The following NOSTRIN variants were observed in gnomAD, a reference collection of about 807,000 sequenced individuals.
NOSTRIN encodes nitric oxide synthase trafficking.
NOSTRIN carries 63 observed loss-of-function variants against 59.0 expected under a neutral mutation model. The ratio of observed to expected loss-of-function variants is 1.07; its 90% CI spans 0.87 to 1.32. NOSTRIN has a LOEUF of 1.32. NOSTRIN is among the 40% of genes most tolerant of loss of function. NOSTRIN has a pLI of 0.00. For synonymous variants in NOSTRIN, 200 were observed against 165.4 expected (o/e 1.21, Z -1.61); for missense variants, 512 against 473.1 (o/e 1.08, Z -0.76).
intron 2 of NOSTRIN, among the ~76,000 whole-genome samples, chr2:168,813,997 C>G (rs1686279201): frequency 6.6e-6 from 1 of 152,198 alleles, no homozygotes; most frequent in South Asian, 2.1e-4. Context: ...GTTTCCTCCC[C>G]TTGCTCAGCT....
upstream of NOSTRIN, among the ~76,000 whole-genome samples, chr2:168,797,189 A>G (rs1685507269): frequency 6.9e-6 from 1 of 144,640 alleles, no homozygotes; most frequent in Non-Finnish European, 1.5e-5. Flanking sequence ...CCCCAAGCTC[A>G]GGTGATCCTC....
chr2:168,859,420 C>T, intron 12 of NOSTRIN, 92 bp from the exon 13 acceptor site: 3 of 1,542,556 alleles, frequency 1.9e-6, no homozygotes, highest in Non-Finnish European at 2.6e-6. Flanking sequence ...CTTTTCTAAC[C>T]TTTGTTATTT....
intron 5 of NOSTRIN, among the ~76,000 whole-genome samples, chr2:168,831,088 A>G (rs1327109432): frequency 6.6e-6 from 1 of 152,200 alleles, no homozygotes; most frequent in African/African-American, 2.4e-5. Flanking sequence ...CTAACAAAGT[A>G]CCATAAACTG....
intron 2 of NOSTRIN, chr2:168,811,870 G>T (rs897714825): frequency 2.6e-6 from 1 of 380,810 alleles, no homozygotes; most frequent in Non-Finnish European, 4.7e-6. Context: ...GCTTAGGAAG[G>T]CTCAGTCAAG....
chr2:168,864,285 G>GT (rs60068017), intron 15 of NOSTRIN, among the ~76,000 whole-genome samples: 12 of 148,552 alleles, frequency 8.1e-5, no homozygotes, highest in Admixed American at 2.7e-4. Context: ...CTGTGATCCT[G>GT]TTTTTTTTTT....
intron 2 of NOSTRIN, among the ~76,000 whole-genome samples, chr2:168,822,819 G>T (rs550760599): frequency 2.0e-5 from 3 of 152,300 alleles, no homozygotes; most frequent in Admixed American, 2.0e-4. Context: ...GTGCTGCAAA[G>T]AAAGTAATAG....
At chr2:168,824,768 T>G (rs200100891) in intron 3 of NOSTRIN, 51 bp downstream of exon 3, 1 of 736,446 alleles carries the variant, frequency 1.4e-6, no homozygotes, top group Non-Finnish European at 2.4e-6. Flanking sequence ...TTTATTTGTT[T>G]TTTGTTTGTT....
At chr2:168,847,671 C>T (rs1271194073) in intron 8 of NOSTRIN, among the ~76,000 whole-genome samples, 4 of 152,194 alleles carry the variant, frequency 2.6e-5, no homozygotes, top group Non-Finnish European at 4.4e-5. Context: ...CTGAATCTTT[C>T]TGGATAACTC....
chr2:168,802,687 T>G lies in NOSTRIN; in HGVS notation c.27+14T>G, dbSNP rs1053121649. ...ACAGATTGTCCGGTGAGTAGCTCAG[T>G]GTGGTTTGTGTGCCTGCGTGTGAGG... is the stretch of plus-strand genomic sequence containing the variant. On this transcript the variant is annotated intron_variant, in intron 1 of 15. Transcript: ENST00000317647. 1 of 868,614 alleles carries G rather than the reference T, an allele frequency of 1.2e-6. No individual in the cohort carries two copies. The highest frequency in any genetic ancestry group is 2.4e-5 in the East Asian group (1 of 41,670). 53.8% of individuals were successfully genotyped at this position (868,614 alleles called of 1,614,324 possible). A position where few individuals can be genotyped will look rare whatever the true frequency, so the allele number is the denominator to read the frequency against.
intron 12 of NOSTRIN, 74 bp from the exon 13 acceptor site, chr2:168,859,438 T>G (rs1486492245): frequency 6.4e-7 from 1 of 1,571,076 alleles, no homozygotes; most frequent in Non-Finnish European, 8.6e-7. Context: ...TTTTGAAAGT[T>G]ATTCTGATAT....
intron 12 of NOSTRIN, among the ~76,000 whole-genome samples, chr2:168,858,377 T>G (rs1292342613): frequency 6.6e-6 from 1 of 152,232 alleles, no homozygotes. Flanking sequence ...ACTGGTAGAT[T>G]TTGTGTCACC....
chr2:168,818,548 A>G (rs1035380260), intron 2 of NOSTRIN, among the ~76,000 whole-genome samples: 10 of 152,264 alleles, frequency 6.6e-5, no homozygotes, highest in African/African-American at 2.4e-4. Flanking sequence ...TTACAAAAGC[A>G]GGATAGTCTA....
chr2:168,822,519 C>T (rs1482649650), intron 2 of NOSTRIN, among the ~76,000 whole-genome samples: 1 of 152,094 alleles, frequency 6.6e-6, no homozygotes, highest in Non-Finnish European at 1.5e-5. Context: ...AATGAAATAA[C>T]ATAATAAATA....
At chr2:168,832,734 C>G (rs1174181212) in intron 6 of NOSTRIN, among the ~76,000 whole-genome samples, 2 of 152,124 alleles carry the variant, frequency 1.3e-5, no homozygotes, top group Non-Finnish European at 2.9e-5. Context: ...CAGTCATTTG[C>G]TTTTTAGTTT....
At chr2:168,811,391 A>T (rs1686126362) in intron 1 of NOSTRIN, 176 bp from the exon 2 acceptor site, 1 of 384,950 alleles carries the variant, frequency 2.6e-6, no homozygotes, top group Non-Finnish European at 4.6e-6. Context: ...CAGGTAGAAG[A>T]GACTTCATCT....
At chr2:168,832,039 AG>A (rs1687391342) in intron 6 of NOSTRIN, among the ~76,000 whole-genome samples, 1 of 152,152 alleles carries the variant, frequency 6.6e-6, no homozygotes, top group Non-Finnish European at 1.5e-5. Flanking sequence ...GAAAGGTGTT[AG>A]TGATCTCTAC....
At chr2:168,835,381 C>T (rs528249392) in intron 7 of NOSTRIN, among the ~76,000 whole-genome samples, 2 of 152,132 alleles carry the variant, frequency 1.3e-5, no homozygotes, top group African/African-American at 2.4e-5. Context: ...CCCTGGCCAG[C>T]CTTCTCGATA....
At chr2:168,856,587 C>T (rs1222729184) in intron 11 of NOSTRIN, 103 bp from the exon 12 acceptor site, 2 of 934,328 alleles carry the variant, frequency 2.1e-6, no homozygotes, top group Middle Eastern at 2.2e-4. Flanking sequence ...AAAAAAAAAT[C>T]TCACTGGTAT....
chr2:168,864,527 C>T (rs1034803433), intron 15 of NOSTRIN, among the ~76,000 whole-genome samples: 1 of 151,968 alleles, frequency 6.6e-6, no homozygotes, highest in Non-Finnish European at 1.5e-5. Context: ...CCTTGTGATC[C>T]ACCCACCTTG....
Sources: gnomAD v4.1 joint callset for allele counts (sites outside exome capture counted in the v4.1 genomes callset) on GRCh38, gnomAD v4.1.1 for gene constraint, MANE v1.5 for transcripts, NCBI Gene and HGNC (gene_info 2026-07-23, HGNC 2026-07-21) for gene names.